KCNH1: variants seen among roughly 807,000 people sequenced by gnomAD.
KCNH1 encodes the protein voltage-gated delayed rectifier potassium channel KCNH1.
Under a neutral mutation model 69.2 loss-of-function variants are expected in KCNH1, and 27 were observed. The ratio of observed to expected loss-of-function variants is 0.39; its 90% CI spans 0.29 to 0.54. The LOEUF (loss-of-function observed/expected upper bound fraction) is 0.54. KCNH1 is among the 20% of genes least tolerant of loss of function. The probability of loss-of-function intolerance (pLI) is 0.68; values close to 1 mark genes in which losing one functional copy is unlikely to be tolerated. For synonymous variants in KCNH1, 456 were observed against 487.7 expected (o/e 0.93, Z 0.86); for missense variants, 798 against 1,261.6 (o/e 0.63, Z 5.57).
At chr1:210,862,306 C>T in intron 7 of KCNH1, 1 of 811,192 alleles carries the variant, frequency 1.2e-6, no homozygotes, top group Non-Finnish European at 2.1e-6. Context: ...TAGGTCAAAC[C>T]CAGGGCTTGA....
chr1:210,840,537 C>G (rs1685385953), intron 7 of KCNH1, among the ~76,000 whole-genome samples: 1 of 152,166 alleles, frequency 6.6e-6, no homozygotes, highest in African/African-American at 2.4e-5. Flanking sequence ...TGTCAAGCCT[C>G]TCCTCTGGAT....
chr1:210,760,701 G>A (rs191536420), intron 10 of KCNH1, among the ~76,000 whole-genome samples: 142 of 152,318 alleles, frequency 9.3e-4, no homozygotes, highest in African/African-American at 3.4e-3. Context: ...GGAGACACAA[G>A]TCGCATCTTA....
chr1:210,913,839 C>T (rs747436469), intron 7 of KCNH1, among the ~76,000 whole-genome samples: 6 of 152,136 alleles, frequency 3.9e-5, no homozygotes, highest in Non-Finnish European at 7.4e-5. Flanking sequence ...TCTATATTTC[C>T]AAGCTTCCCT....
intron 10 of KCNH1, among the ~76,000 whole-genome samples, chr1:210,773,789 T>C (rs904931156): frequency 3.9e-5 from 6 of 152,208 alleles, no homozygotes; most frequent in African/African-American, 1.4e-4. Flanking sequence ...TTATCTTTCT[T>C]GTGTTAATCT....
chr1:211,125,252 T>C (rs1691756299), intron 1 of KCNH1, among the ~76,000 whole-genome samples: 1 of 152,108 alleles, frequency 6.6e-6, no homozygotes, highest in African/African-American at 2.4e-5. Flanking sequence ...ACAGGTGTAC[T>C]CTATACAGGT....
At chr1:210,860,140 A>G in intron 7 of KCNH1, 1 of 1,163,864 alleles carries the variant, frequency 8.6e-7, no homozygotes, top group Non-Finnish European at 1.3e-6. Flanking sequence ...TATCATTTCA[A>G]GATACTTGGT....
chr1:211,097,245 T>C (rs1453967779), intron 3 of KCNH1, among the ~76,000 whole-genome samples: 1 of 152,170 alleles, frequency 6.6e-6, no homozygotes, highest in Non-Finnish European at 1.5e-5. Context: ...TTGCTTCACA[T>C]AATATATAAA....
intron 10 of KCNH1, among the ~76,000 whole-genome samples, chr1:210,749,181 A>G (rs1683227169): frequency 6.6e-6 from 1 of 152,222 alleles, no homozygotes; most frequent in South Asian, 2.1e-4. Context: ...AAAGAATCCT[A>G]ATAAGAAAGT....
intron 10 of KCNH1, among the ~76,000 whole-genome samples, chr1:210,761,297 A>G (rs1008423848): frequency 6.9e-6 from 1 of 145,018 alleles, no homozygotes; most frequent in African/African-American, 2.5e-5. Flanking sequence ...CACATAGCCC[A>G]TGGACCCTAT....
At chr1:211,088,686 CGT>C (rs144651162) in intron 4 of KCNH1, among the ~76,000 whole-genome samples, 1 of 152,168 alleles carries the variant, frequency 6.6e-6, no homozygotes, top group East Asian at 1.9e-4. Context: ...CGAGGACTAA[CGT>C]GTGTGTGTGT....
chr1:210,692,448 A>C (rs1558425398), intron 10 of KCNH1, among the ~76,000 whole-genome samples: 1 of 152,108 alleles, frequency 6.6e-6, no homozygotes. Context: ...CCGGCATTTC[A>C]CTAGGGGCCA....
rs184677682 is a variant in KCNH1 at position 210,721,691 on chromosome 1, T to G, written c.2113-37553A>C. Among the ~76,000 whole-genome samples the G allele has an allele frequency of 7.0e-3, 1,063 of 152,212 alleles. 5 individuals are homozygous for G. Among genetic ancestry groups the G allele is most frequent in the Middle Eastern group, 0.017 (5 of 294 alleles). On this transcript the variant is annotated intron_variant, in intron 10 of 10. Transcript: ENST00000271751. ...CGGGGAGGGATAGCATTAGGAGATA[T>G]ACCTAATGTTAAATGACGAGTTAAT...
chr1:210,930,438 G>C (rs1190905843), intron 6 of KCNH1, among the ~76,000 whole-genome samples: 2 of 152,108 alleles, frequency 1.3e-5, no homozygotes, highest in African/African-American at 4.8e-5. Flanking sequence ...GTGGGGAAAA[G>C]ACACTGATTC....
chr1:210,971,583 G>A (rs958038554), intron 6 of KCNH1, among the ~76,000 whole-genome samples: 1 of 152,078 alleles, frequency 6.6e-6, no homozygotes, highest in South Asian at 2.1e-4. Context: ...TATCTGGATG[G>A]TGAAAATATT....
At chr1:210,958,173 A>G (rs1024135527) in intron 6 of KCNH1, among the ~76,000 whole-genome samples, 1 of 152,140 alleles carries the variant, frequency 6.6e-6, no homozygotes, top group African/African-American at 2.4e-5. Flanking sequence ...CACTTATGAA[A>G]CTTAGTTTGG....
intron 7 of KCNH1, chr1:210,861,947 T>G: frequency 1.3e-6 from 1 of 762,504 alleles, no homozygotes; most frequent in Non-Finnish European, 2.4e-6. Context: ...ATGTGATGAA[T>G]GCATGTAGTA....
At chr1:210,907,239 C>T (rs1687120653) in intron 7 of KCNH1, among the ~76,000 whole-genome samples, 2 of 152,142 alleles carry the variant, frequency 1.3e-5, no homozygotes, top group Admixed American at 1.3e-4. Context: ...GTTATATCTC[C>T]AAGTAGTCAG....
intron 6 of KCNH1, among the ~76,000 whole-genome samples, chr1:210,996,060 C>T (rs182118786): frequency 1.1e-4 from 16 of 152,264 alleles, no homozygotes; most frequent in African/African-American, 2.6e-4. Flanking sequence ...GCGTGAGCGA[C>T]GGAGAAGACA....
chr1:210,796,254 C>T (rs1245889560), intron 9 of KCNH1, among the ~76,000 whole-genome samples: 3 of 151,924 alleles, frequency 2.0e-5, no homozygotes, highest in Non-Finnish European at 4.4e-5. Context: ...ATTCCATGGA[C>T]CTCATCAGCC....
Sources: allele counts gnomAD v4.1 joint callset (sites outside exome capture counted in the v4.1 genomes callset), GRCh38; gene constraint gnomAD v4.1.1; transcripts MANE v1.5; gene names NCBI Gene and HGNC (gene_info 2026-07-23, HGNC 2026-07-21).